The following KALRN variants were observed in gnomAD, a reference collection of about 807,000 sequenced individuals.
KALRN encodes the protein kalirin RhoGEF kinase, also known as kalirin.
KALRN carries 70 observed loss-of-function variants against 353.7 expected under a neutral mutation model. The ratio of observed to expected loss-of-function variants is 0.20; its 90% confidence interval spans 0.16 to 0.24. The LOEUF (loss-of-function observed/expected upper bound fraction) is 0.24, where lower values mean the gene tolerates loss of function less well. Ranked by LOEUF, KALRN falls within the 10% of genes least tolerant of loss-of-function variation. KALRN has a pLI of 1.00. For missense variants in KALRN, 2,791 were observed against 3,756.7 expected, an observed-to-expected ratio of 0.74 and a Z score of 6.72; for synonymous variants, 1,391 against 1,434.8, an observed-to-expected ratio of 0.97 and a Z score of 0.69.
intron 20 of KALRN, 71 bp downstream of exon 20, chr3:124,446,347 T>A (rs973016231): frequency 1.4e-5 from 16 of 1,129,986 alleles, no homozygotes; most frequent in Non-Finnish European, 2.1e-5. Flanking sequence ...CAAGGCTTAG[T>A]CCAGAAGAGG....
At chr3:124,430,568 C>A in intron 15 of KALRN, 88 bp from the exon 16 acceptor site, 1 of 1,502,140 alleles carries the variant, frequency 6.7e-7, no homozygotes, top group Admixed American at 1.9e-5. Context: ...ATAGTGAGCT[C>A]TCCAACTGAA....
At chr3:124,706,118 G>A (rs993647817) in intron 57 of KALRN, among the ~76,000 whole-genome samples, 13 of 152,128 alleles carry the variant, frequency 8.5e-5, no homozygotes, top group African/African-American at 3.1e-4. Flanking sequence ...TGTTGCCCAG[G>A]TTGGTCTCGA....
chr3:124,141,581 T>C (rs778864121), intron 1 of KALRN, among the ~76,000 whole-genome samples: 80 of 152,224 alleles, frequency 5.3e-4, no homozygotes, highest in Non-Finnish European at 7.1e-4. Context: ...GTACATCTCA[T>C]TTGGCACTTT....
chr3:124,051,349 C>A (rs1171638593), intron 1 of KALRN, among the ~76,000 whole-genome samples: 1 of 152,106 alleles, frequency 6.6e-6, no homozygotes, highest in African/African-American at 2.4e-5. Context: ...GAGCTAGGGG[C>A]CTTTAGTGGG....
intron 1 of KALRN, among the ~76,000 whole-genome samples, chr3:124,138,576 A>G (rs2066227507): frequency 6.6e-6 from 1 of 152,222 alleles, no homozygotes; most frequent in South Asian, 2.1e-4. Context: ...GATACAAGAA[A>G]GCCACTGAGG....
chr3:124,549,866 G>A (rs2109527332), intron 33 of KALRN, among the ~76,000 whole-genome samples: 1 of 152,186 alleles, frequency 6.6e-6, no homozygotes, highest in East Asian at 1.9e-4. Flanking sequence ...GGCAGAAATG[G>A]CCAGGACACA....
chr3:124,719,948 A>G lies in KALRN; in HGVS notation c.*478A>G, dbSNP rs2063320128. On this transcript the variant is annotated 3_prime_UTR_variant, in exon 60 of 60. Transcript: ENST00000682506. This position sits in a 1 kb window ranked among gnomAD's most constrained non-coding sequence, Gnocchi z 5.3. ...AATAGGATAGATACCCACATACAGT[A>G]TAATATATCCCATTCAGGTTTCAGA... 1 of 157,626 alleles carries G rather than the reference A, an allele frequency of 6.3e-6. No homozygotes were observed. The highest frequency in any genetic ancestry group is 1.4e-5 in the Non-Finnish European group (1 of 71,054). 9.8% of individuals were successfully genotyped at this position (157,626 alleles called of 1,614,324 possible).
At chr3:124,111,862 A>G (rs560013779) in intron 1 of KALRN, among the ~76,000 whole-genome samples, 246 of 152,338 alleles carry the variant, frequency 1.6e-3, no homozygotes, top group African/African-American at 5.5e-3. Context: ...CCCAAACTTA[A>G]TCATATTACA....
At chr3:124,369,503 A>G (rs1301384502) in intron 10 of KALRN, among the ~76,000 whole-genome samples, 2 of 152,196 alleles carry the variant, frequency 1.3e-5, no homozygotes, top group African/African-American at 4.8e-5. Flanking sequence ...TGTATTTACT[A>G]TGTACAACAT....
chr3:124,430,165 C>A (rs2093205537), intron 15 of KALRN, among the ~76,000 whole-genome samples: 1 of 152,060 alleles, frequency 6.6e-6, no homozygotes, highest in African/African-American at 2.4e-5. Context: ...GTGGTGAATA[C>A]CATAACGGTG....
intron 15 of KALRN, among the ~76,000 whole-genome samples, chr3:124,423,746 C>G (rs1189378515): frequency 6.6e-6 from 1 of 152,166 alleles, no homozygotes; most frequent in Non-Finnish European, 1.5e-5. Context: ...TGGCACATGC[C>G]TGTGGTCCCA....
intron 10 of KALRN, among the ~76,000 whole-genome samples, chr3:124,355,675 TC>T (rs1343345753): frequency 6.6e-6 from 1 of 150,838 alleles, no homozygotes; most frequent in East Asian, 1.9e-4. Flanking sequence ...CAACCTTTTT[TC>T]CTTAGGATTA....
chr3:124,371,565 C>A (rs1291653374), intron 10 of KALRN, among the ~76,000 whole-genome samples: 1 of 152,050 alleles, frequency 6.6e-6, no homozygotes, highest in Non-Finnish European at 1.5e-5. Flanking sequence ...TCTTACACAC[C>A]TTTCTTCTTA....
chr3:124,082,186 C>A, intron 1 of KALRN: 1 of 455,276 alleles, frequency 2.2e-6, no homozygotes, highest in South Asian at 1.6e-5. Context: ...AGCACCATTG[C>A]CCTTCTGTAG....
intron 12 of KALRN, among the ~76,000 whole-genome samples, chr3:124,397,863 C>A (rs1464529738): frequency 1.3e-5 from 2 of 152,170 alleles, no homozygotes; most frequent in East Asian, 3.9e-4. Context: ...TAGGATCTAG[C>A]CTTTACTCTC....
At position 124,719,391 on chromosome 3, in the gene KALRN, G is replaced by A. The variant is rs1368942316; in HGVS notation, c.8882G>A (p.Arg2961His). 8 of 1,614,184 alleles carry A rather than the reference G, an allele frequency of 5.0e-6. No individual in the cohort carries two copies. Among genetic ancestry groups the A allele is most frequent in the South Asian group, 1.1e-5 (1 of 91,088 alleles). ...DTSRLACFIE[R>H]RKHQNDVRPI... ...TCCCGCCTAGCATGCTTCATAGAAC[G>A]TCGCAAGCACCAGAATGATGTGCGG... The change falls in exon 60 of 60, where the codon CGT (arginine) becomes CAT (histidine). Residue 2961 changes from arginine to histidine, a missense_variant. Transcript: ENST00000682506. This position sits in a 1 kb window ranked among gnomAD's most constrained non-coding sequence, Gnocchi z 5.3.
intron 57 of KALRN, among the ~76,000 whole-genome samples, chr3:124,710,860 T>C (rs2062853490): frequency 6.6e-6 from 1 of 152,218 alleles, no homozygotes; most frequent in African/African-American, 2.4e-5. Context: ...ACCATGGGTC[T>C]GCATAACTTT....
At chr3:124,448,584 C>T (rs2093916253) in intron 21 of KALRN, among the ~76,000 whole-genome samples, 2 of 151,940 alleles carry the variant, frequency 1.3e-5, no homozygotes, top group Admixed American at 1.3e-4. Flanking sequence ...AATACCCTTC[C>T]CTTCCCTCTA....
chr3:124,707,295 C>G lies in KALRN; in HGVS notation c.8075+5179C>G, dbSNP rs1188278683. ...GAGGTCGAGATCGCACCACTGCATTCCAGCCTGGGCAACAGAGCAAGAGCC... is the reference window on the plus strand; with the variant it reads ...GAGGTCGAGATCGCACCACTGCATTGCAGCCTGGGCAACAGAGCAAGAGCC... On this transcript the variant is annotated intron_variant, in intron 57 of 59. Coordinates refer to ENST00000682506, the MANE Select transcript of KALRN (RefSeq NM_001388419.1). Among the ~76,000 whole-genome samples, 4 of 152,264 alleles carry G rather than the reference C, an allele frequency of 2.6e-5. No homozygotes were observed. The East Asian group carries it at 7.7e-4, about 29-fold the overall frequency.
Sources: gnomAD v4.1 joint callset for allele counts (sites outside exome capture counted in the v4.1 genomes callset) on GRCh38, gnomAD v4.1.1 for gene constraint, Gnocchi (gnomAD v3.1) non-coding constraint, MANE v1.5 for transcripts, NCBI Gene and HGNC (gene_info 2026-07-23, HGNC 2026-07-21) for gene names.